The following SLC16A1 variants were observed in gnomAD, a reference collection of about 807,000 sequenced individuals.
The protein encoded by SLC16A1 is monocarboxylate transporter 1.
A neutral mutation model predicts 32.2 loss-of-function variants in SLC16A1; 11 were observed. The ratio of observed to expected loss-of-function variants is 0.34; its 90% CI spans 0.21 to 0.56. The LOEUF (loss-of-function observed/expected upper bound fraction) is 0.56, where lower values mean the gene tolerates loss of function less well. SLC16A1 is among the 20% of genes least tolerant of loss of function. The pLI, the probability that SLC16A1 is intolerant of heterozygous loss-of-function variation, is 0.87. For missense variants in SLC16A1, 435 were observed against 615.0 expected, an observed-to-expected ratio of 0.71 and a Z score of 3.10; for synonymous variants, 231 against 226.8, an observed-to-expected ratio of 1.02 and a Z score of -0.17.
chr1:112,936,741 A>C (rs1233519009), intron 1 of SLC16A1, among the ~76,000 whole-genome samples: 1 of 152,138 alleles, frequency 6.6e-6, no homozygotes, highest in Non-Finnish European at 1.5e-5. Flanking sequence ...GGATAACTCA[A>C]GTTGGAAAAG....
At chr1:112,941,293 T>A (rs1182377325) in intron 1 of SLC16A1, among the ~76,000 whole-genome samples, 2 of 148,050 alleles carry the variant, frequency 1.4e-5, no homozygotes, top group African/African-American at 2.5e-5. Flanking sequence ...TTTTTTTTTT[T>A]TTTTTGAGAC....
chr1:112,920,774 TA>T (rs752554172), intron 3 of SLC16A1, among the ~76,000 whole-genome samples: 6 of 152,076 alleles, frequency 3.9e-5, no homozygotes, highest in Non-Finnish European at 7.4e-5. Flanking sequence ...TTTGAATACA[TA>T]AAAATTTATA....
At chr1:112,919,476 C>T (rs572473105) in intron 3 of SLC16A1, among the ~76,000 whole-genome samples, 1 of 151,648 alleles carries the variant, frequency 6.6e-6, no homozygotes, top group Admixed American at 6.5e-5. Context: ...AAAGTGGGAC[C>T]AACCAGAACA....
intron 1 of SLC16A1, among the ~76,000 whole-genome samples, chr1:112,951,855 G>C (rs1264915029): frequency 6.6e-6 from 1 of 152,022 alleles, no homozygotes; most frequent in East Asian, 1.9e-4. Context: ...ACTTTAACTT[G>C]TCCTTCCTAT....
At chr1:112,951,025 A>T (rs1349099272) in intron 1 of SLC16A1, among the ~76,000 whole-genome samples, 2 of 151,702 alleles carry the variant, frequency 1.3e-5, no homozygotes, top group East Asian at 3.9e-4. Context: ...GATTTATAAA[A>T]TTATAATTTA....
intron 3 of SLC16A1, among the ~76,000 whole-genome samples, chr1:112,920,382 C>T (rs1003641358): frequency 4.0e-5 from 6 of 151,750 alleles, no homozygotes; most frequent in Non-Finnish European, 5.9e-5. Flanking sequence ...CAGCGGCAGG[C>T]GGACCATGAG....
intron 1 of SLC16A1, among the ~76,000 whole-genome samples, chr1:112,942,755 T>C (rs1010727104): frequency 4.6e-5 from 7 of 152,230 alleles, no homozygotes; most frequent in African/African-American, 1.7e-4. Flanking sequence ...TCCAATTAAT[T>C]TGACTTGACT....
intron 1 of SLC16A1, among the ~76,000 whole-genome samples, chr1:112,944,418 T>C (rs1557855216): frequency 6.6e-6 from 1 of 152,206 alleles, no homozygotes; most frequent in Non-Finnish European, 1.5e-5. Flanking sequence ...GACCCCAGCC[T>C]GGGCAACAGA....
intron 2 of SLC16A1, among the ~76,000 whole-genome samples, chr1:112,926,908 T>A (rs1423798863): frequency 1.7e-5 from 2 of 119,130 alleles, no homozygotes; most frequent in Non-Finnish European, 3.4e-5. Flanking sequence ...AAATAAATAA[T>A]AAAAAAACTT....
At chr1:112,914,227 A>C (rs1648426146) in intron 4 of SLC16A1, 62 bp from the exon 5 acceptor site, 1 of 1,578,206 alleles carries the variant, frequency 6.3e-7, no homozygotes, top group African/African-American at 1.3e-5. Context: ...TTTTCCCCCA[A>C]GCAAAGCTTA....
Position 112,933,555 on chromosome 1 carries a change from A to G in SLC16A1, c.-44-4203T>C, listed in dbSNP as rs557317890. Among the ~76,000 whole-genome samples, 5 of 152,310 alleles carry G rather than the reference A, an allele frequency of 3.3e-5. No individual in the cohort carries two copies. The East Asian group carries it at 9.6e-4, about 29-fold the overall frequency. On this transcript the variant is annotated intron_variant, in intron 1 of 4. Coordinates refer to ENST00000369626, the MANE Select transcript of SLC16A1 (RefSeq NM_003051.4). ...CCCAGAACATAAAAAGAACTTGCAC[A>G]ACGATAGCAAAAAGGCAAATCACCC...
intron 2 of SLC16A1, chr1:112,923,503 C>T (rs560075543): frequency 1.0e-6 from 1 of 962,128 alleles, no homozygotes; most frequent in Non-Finnish European, 1.7e-6. Context: ...CACGGCCACA[C>T]CAAGATAGAC....
chr1:112,955,659 G>A (rs1650058806), intron 1 of SLC16A1: 1 of 152,292 alleles, frequency 6.6e-6, no homozygotes. Context: ...GGTACCACAT[G>A]CAGCAGCCTC....
intron 1 of SLC16A1, among the ~76,000 whole-genome samples, chr1:112,944,518 TAA>T (rs956215047): frequency 6.6e-6 from 1 of 152,200 alleles, no homozygotes; most frequent in Non-Finnish European, 1.5e-5. Context: ...ATAGAAAAAT[TAA>T]AAGATATGTG....
At chr1:112,943,368 T>A (rs1424096973) in intron 1 of SLC16A1, among the ~76,000 whole-genome samples, 1 of 151,378 alleles carries the variant, frequency 6.6e-6, no homozygotes, top group Non-Finnish European at 1.5e-5. Context: ...AAAGGAAGAA[T>A]GGGGTATACT....
intron 1 of SLC16A1, among the ~76,000 whole-genome samples, chr1:112,946,972 C>T (rs1649723870): frequency 6.6e-6 from 1 of 152,208 alleles, no homozygotes; most frequent in Non-Finnish European, 1.5e-5. Flanking sequence ...AAACTGGCTA[C>T]TACCTAAGTT....
chr1:112,915,876 G>C (rs78925521), intron 4 of SLC16A1, among the ~76,000 whole-genome samples: 1 of 152,198 alleles, frequency 6.6e-6, no homozygotes, highest in African/African-American at 2.4e-5. Flanking sequence ...CCAGAAGAAG[G>C]GTCAAATTAT....
chr1:112,932,314 C>T (rs1425991003), intron 1 of SLC16A1, among the ~76,000 whole-genome samples: 1 of 152,076 alleles, frequency 6.6e-6, no homozygotes. Flanking sequence ...GTAGGAGAAT[C>T]GTTTGAGGAC....
chr1:112,914,988 G>T (rs1356902267), intron 4 of SLC16A1, among the ~76,000 whole-genome samples: 1 of 152,148 alleles, frequency 6.6e-6, no homozygotes, highest in East Asian at 1.9e-4. Context: ...CATTGAACTG[G>T]TATCTCTGGG....
Sources: allele counts gnomAD v4.1 joint callset (sites outside exome capture counted in the v4.1 genomes callset), GRCh38; gene constraint gnomAD v4.1.1; transcripts MANE v1.5; gene names NCBI Gene and HGNC (gene_info 2026-07-23, HGNC 2026-07-21).